The following UGT3A1 variants were observed in gnomAD, a reference collection of about 807,000 sequenced individuals.
UGT3A1 encodes UDP glycosyltransferase family 3 member A1, also known as UDP-glycosyltransferase 3A1.
A neutral mutation model predicts 37.6 loss-of-function variants in UGT3A1; 40 were observed. The observed-to-expected ratio is 1.06, with a 90% CI of 0.83 to 1.38. UGT3A1 has a LOEUF of 1.38. Ranked by LOEUF, UGT3A1 falls within the 40% of genes most tolerant of loss-of-function variation. The pLI is 0.00. For synonymous variants in UGT3A1, 256 were observed against 232.3 expected, an observed-to-expected ratio of 1.10 and a Z score of -0.93; for missense variants, 642 against 634.2, an observed-to-expected ratio of 1.01 and a Z score of -0.13.
Position 35,988,581 on chromosome 5 carries a change from A to G in UGT3A1, c.95-30T>C, listed in dbSNP as rs183441140. ...AAACAATGCACAATGTCTTTTGTAA[A>G]GATGAAAATAGAGTTTCTGATGACA... On this transcript the variant is annotated intron_variant, in intron 1 of 6. Transcript: ENST00000274278. 10,791 of 1,534,010 alleles carry G rather than the reference A, an allele frequency of 7.0e-3. 63 individuals are homozygous for G. The highest frequency in any genetic ancestry group is 8.3e-3 in the Non-Finnish European group (9,267 of 1,121,478).
At chr5:35,989,595 G>C (rs1740856881) in intron 1 of UGT3A1, among the ~76,000 whole-genome samples, 1 of 152,188 alleles carries the variant, frequency 6.6e-6, no homozygotes, top group Non-Finnish European at 1.5e-5. Flanking sequence ...ATCCATGTAA[G>C]AACAGGGACT....
intron 1 of UGT3A1, among the ~76,000 whole-genome samples, chr5:35,989,521 G>C (rs1740855018): frequency 6.6e-6 from 1 of 152,178 alleles, no homozygotes; most frequent in Admixed American, 6.5e-5. Context: ...ACTCAGACTT[G>C]AATAGTCTAA....
upstream of UGT3A1, among the ~76,000 whole-genome samples, chr5:35,994,856 G>A (rs1310573102): frequency 2.0e-5 from 3 of 152,100 alleles, no homozygotes; most frequent in Admixed American, 6.5e-5. Flanking sequence ...CAGAAACTCC[G>A]GATGGGTATT....
chr5:35,966,711 G>A (rs1011042519), intron 3 of UGT3A1, among the ~76,000 whole-genome samples: 1 of 152,136 alleles, frequency 6.6e-6, no homozygotes, highest in South Asian at 2.1e-4. Flanking sequence ...CTGAGCAGTG[G>A]TAATAGGTAC....
intron 2 of UGT3A1, among the ~76,000 whole-genome samples, chr5:35,976,744 G>T (rs918044587): frequency 6.6e-6 from 1 of 152,024 alleles, no homozygotes; most frequent in Non-Finnish European, 1.5e-5. Flanking sequence ...GCTGAGGTAA[G>T]AGGATTGCTT....
At chr5:35,962,590 A>G (rs1420831313) in intron 4 of UGT3A1, 12 of 352,998 alleles carry the variant, frequency 3.4e-5, no homozygotes, top group Non-Finnish European at 5.8e-5. Flanking sequence ...GGCTGGATCA[A>G]TCCTACACTG....
Position 35,991,171 on chromosome 5 carries a change from T to C in UGT3A1, c.70A>G (p.Lys24Glu), listed in dbSNP as rs1189277631. The stretch of plus-strand genomic sequence containing the variant: ...CCCAGTGTAGATATTGTCAGGATTT[T>C]GGCAGCCTCTGAGAGCAGGACCCCA... ...LSGVLLSEAA[K>E]ILTISTLGGS... is the part of the protein sequence containing the mutation. Residue 24 changes from lysine to glutamate, a missense_variant, in exon 1 of 7, where the codon AAA becomes GAA. Lys to Glu is a moderately conservative substitution (Grantham distance 56, BLOSUM62 1). Coordinates refer to ENST00000274278, the MANE Select transcript of UGT3A1 (RefSeq NM_152404.4). 1 of 1,613,976 alleles carries C rather than the reference T, an allele frequency of 6.2e-7. No homozygotes were observed. The highest frequency in any genetic ancestry group is 1.3e-5 in the African/African-American group (1 of 74,962).
chr5:35,954,245 A>G lies in UGT3A1; in HGVS notation c.1529T>C (p.Val510Ala), dbSNP rs776150615. Residue 510 changes from valine to alanine, a missense_variant, in exon 7 of 7, where the codon GTG becomes GCG. Coordinates refer to ENST00000274278, the MANE Select transcript of UGT3A1 (RefSeq NM_152404.4). ...CCTGGCCCCACGCAGCCACCTGGCC[A>G]CCACACCCAGCAGCTTCCCACAAAG... The part of the protein sequence containing the change: ...MWLCGKLLGV[V>A]ARWLRGARKV... 2.5e-6 allele frequency: 4 copies of G among 1,614,146 alleles called. No homozygotes were observed. The South Asian group carries it at 4.4e-5, about 18-fold the overall frequency.
chr5:35,970,700 G>C (rs1395165319), intron 2 of UGT3A1, among the ~76,000 whole-genome samples: 1 of 152,144 alleles, frequency 6.6e-6, no homozygotes, highest in South Asian at 2.1e-4. Flanking sequence ...CTGTGGATCT[G>C]CTTCAGTATA....
At chr5:35,971,457 CACGCAT>C (rs1175656464) in intron 2 of UGT3A1, among the ~76,000 whole-genome samples, 17 of 123,904 alleles carry the variant, frequency 1.4e-4, no homozygotes, top group Admixed American at 7.3e-4. Context: ...GAAAATGACA[CACGCAT>C]ACACACACAC....
chr5:35,982,860 T>A lies in UGT3A1; in HGVS notation c.196+5590A>T, dbSNP rs1291452806. Among the ~76,000 whole-genome samples, 3 of 152,148 alleles carry A rather than the reference T, an allele frequency of 2.0e-5. No individual in the cohort carries two copies. The East Asian group carries it at 5.8e-4, about 29-fold the overall frequency. ...AGAGGCCTGCTGAGAGGTGATTGGA[T>A]CATGTGTGCAGATTTCCCCTTGCTC... On this transcript the variant is annotated intron_variant, in intron 2 of 6. Transcript: ENST00000274278.
At chr5:35,973,128 A>G (rs923043763) in intron 2 of UGT3A1, among the ~76,000 whole-genome samples, 1 of 152,188 alleles carries the variant, frequency 6.6e-6, no homozygotes, top group African/African-American at 2.4e-5. Flanking sequence ...TTATCAGTAG[A>G]AGCAACTTTT....
intron 5 of UGT3A1, 41 bp from the exon 6 acceptor site, chr5:35,955,905 A>C: frequency 1.3e-6 from 2 of 1,596,486 alleles, no homozygotes; most frequent in Non-Finnish European, 1.7e-6. Context: ...TTCAGGATGA[A>C]AAATTTTGGA....
At chr5:35,989,055 G>A (rs1740837677) in intron 1 of UGT3A1, among the ~76,000 whole-genome samples, 1 of 152,210 alleles carries the variant, frequency 6.6e-6, no homozygotes, top group Admixed American at 6.5e-5. Context: ...CAGAAATACA[G>A]AAGTTACAAG....
At chr5:35,967,550 T>A (rs950969100) in intron 3 of UGT3A1, among the ~76,000 whole-genome samples, 3 of 152,196 alleles carry the variant, frequency 2.0e-5, no homozygotes, top group African/African-American at 4.8e-5. Context: ...TCATAAGAGT[T>A]TTCTCCATTA....
At position 35,965,616 on chromosome 5, in the gene UGT3A1, G is replaced by A. The variant is rs1291484884; in HGVS notation, c.613C>T (p.Leu205=). Residue 205 remains leucine (L), a synonymous_variant, in exon 4 of 7, where the codon CTG becomes TTG. Coordinates refer to ENST00000274278, the MANE Select transcript of UGT3A1 (RefSeq NM_152404.4). ...MDFWGRVKNF[L]MFFSFSRSQW... is the part of the protein sequence containing the mutation. ...CTCCTGGAGAAACTAAAGAACATCAGAAAATTCTTCACTCGGCCCCAGAAG... is the reference window on the plus strand; with the variant it reads ...CTCCTGGAGAAACTAAAGAACATCAAAAAATTCTTCACTCGGCCCCAGAAG... 6.2e-7 allele frequency: 1 copy of A among 1,613,996 alleles called. No individual in the cohort carries two copies. The highest frequency in any genetic ancestry group is 1.3e-5 in the African/African-American group (1 of 74,916).
upstream of UGT3A1, among the ~76,000 whole-genome samples, chr5:35,995,663 C>T (rs1005832064): frequency 6.6e-6 from 1 of 152,102 alleles, no homozygotes; most frequent in Non-Finnish European, 1.5e-5. Flanking sequence ...GAGCCAACAA[C>T]CAGCCCCCGA....
chr5:35,980,475 G>A (rs71617736), intron 2 of UGT3A1, among the ~76,000 whole-genome samples: 1 of 152,210 alleles, frequency 6.6e-6, no homozygotes, highest in African/African-American at 2.4e-5. Flanking sequence ...GGAGAGAGCT[G>A]CAGAGAGAAA....
chr5:35,954,470 G>T lies in UGT3A1; in HGVS notation c.1304C>A (p.Ser435Ter). ...KQVIEDKRYK[S>*]AVVAASVILH... ...GATGACACTGGCTGCCACCACTGCC[G>T]ACTTGTACCTGTTGGCGGAGACAGA... Residue 435 changes from serine to a stop codon, truncating the protein, a stop_gained, in exon 7 of 7, where the codon TCG becomes TAG. Coordinates refer to ENST00000274278, the MANE Select transcript of UGT3A1 (RefSeq NM_152404.4). LOFTEE classifies it low-confidence loss of function (END_TRUNC). The T allele has an allele frequency of 6.2e-7, 1 of 1,613,730 alleles. No individual in the cohort carries two copies. Among genetic ancestry groups the T allele is most frequent in the Non-Finnish European group, 8.5e-7 (1 of 1,179,654 alleles).
Sources: allele counts gnomAD v4.1 joint callset (sites outside exome capture counted in the v4.1 genomes callset), GRCh38; gene constraint gnomAD v4.1.1; transcripts MANE v1.5; gene names NCBI Gene and HGNC (gene_info 2026-07-23, HGNC 2026-07-21).